LARS1: variants seen among roughly 807,000 people sequenced by gnomAD.
LARS1 encodes the protein leucine--tRNA ligase, cytoplasmic.
Under a neutral mutation model 162.8 loss-of-function variants are expected in LARS1, and 100 were observed. That is an observed-to-expected ratio of 0.61 (90% confidence interval 0.52 to 0.73). The LOEUF is 0.73. LARS1 is among the 30% of genes least tolerant of loss of function. The pLI is 0.00. For missense variants in LARS1, 1,258 were observed against 1,408.9 expected (o/e 0.89, Z 1.71); for synonymous variants, 457 against 462.8 (o/e 0.99, Z 0.16).
intron 4 of LARS1, among the ~76,000 whole-genome samples, chr5:146,168,896 AT>A (rs1754137764): frequency 6.6e-6 from 1 of 151,660 alleles, no homozygotes; most frequent in African/African-American, 2.4e-5. Context: ...CATTAATAAC[AT>A]TGTTTCTCAA....
At chr5:146,152,564 A>G (rs1753344309) in intron 13 of LARS1, among the ~76,000 whole-genome samples, 1 of 152,182 alleles carries the variant, frequency 6.6e-6, no homozygotes, top group Admixed American at 6.5e-5. Flanking sequence ...AAGGTGGCAC[A>G]GTTTCATGCC....
intron 10 of LARS1, among the ~76,000 whole-genome samples, chr5:146,155,607 A>C (rs1753490803): frequency 6.6e-6 from 1 of 152,226 alleles, no homozygotes; most frequent in African/African-American, 2.4e-5. Flanking sequence ...TCCTTTCCAC[A>C]TAATTCCCAC....
intron 14 of LARS1, among the ~76,000 whole-genome samples, chr5:146,151,423 T>C (rs781335253): frequency 5.9e-5 from 9 of 152,204 alleles, no homozygotes; most frequent in East Asian, 1.9e-4. Flanking sequence ...GAGAAAAGAA[T>C]GGTTCAGAAC....
At chr5:146,152,413 C>A (rs1198217753) in intron 13 of LARS1, among the ~76,000 whole-genome samples, 1 of 152,136 alleles carries the variant, frequency 6.6e-6, no homozygotes, top group African/African-American at 2.4e-5. Context: ...GAGGAACGGG[C>A]GAGCATCACC....
chr5:146,175,139 A>G (rs982954242), intron 2 of LARS1, among the ~76,000 whole-genome samples: 1 of 152,040 alleles, frequency 6.6e-6, no homozygotes, highest in African/African-American at 2.4e-5. Context: ...GGATCACCTG[A>G]GCCCAGGAGA....
At chr5:146,182,015 A>G (rs1429238607) in intron 1 of LARS1, 1 of 158,374 alleles carries the variant, frequency 6.3e-6, no homozygotes, top group Non-Finnish European at 1.4e-5. Context: ...ATCCTGGCTC[A>G]CAGCAGCCTC....
chr5:146,174,485 CATATATATATATATCCAT>C (rs1350603118), intron 2 of LARS1, among the ~76,000 whole-genome samples: 3,195 of 25,146 alleles, frequency 0.13, 148 homozygotes, highest in South Asian at 0.18. Context: ...TATATATATC[CATATATATATATATCCAT>C]ATATATATAT....
At chr5:146,139,039 TGAAA>T in intron 21 of LARS1, 1 of 151,280 alleles carries the variant, frequency 6.6e-6, no homozygotes, top group South Asian at 4.1e-5. Context: ...AGTGGATTTG[TGAAA>T]AAAAAAAAAA....
intron 10 of LARS1, among the ~76,000 whole-genome samples, chr5:146,156,484 A>C (rs946635717): frequency 6.6e-6 from 1 of 152,138 alleles, no homozygotes; most frequent in Non-Finnish European, 1.5e-5. Flanking sequence ...ACCCGAGGTC[A>C]GGAGTTCAAG....
chr5:146,142,291 T>G (rs1360291079), intron 20 of LARS1, among the ~76,000 whole-genome samples: 1 of 152,226 alleles, frequency 6.6e-6, no homozygotes, highest in Admixed American at 6.5e-5. Context: ...AAAATTATTT[T>G]ATTCCTCTAC....
At chr5:146,160,348 A>G in intron 7 of LARS1, 26 bp downstream of exon 7, 1 of 1,344,134 alleles carries the variant, frequency 7.4e-7, no homozygotes, top group East Asian at 2.5e-5. Context: ...TTTTTGCTTT[A>G]TTATGCTCAA....
At chr5:146,145,065 TTA>T (rs1432821861) in intron 15 of LARS1, among the ~76,000 whole-genome samples, 2 of 152,148 alleles carry the variant, frequency 1.3e-5, no homozygotes, top group East Asian at 1.9e-4. Context: ...TTTTGGGGTT[TTA>T]TGTTTTTTTT....
At position 146,115,784 on chromosome 5, in the gene LARS1, C is replaced by T. The variant is rs1328559505; in HGVS notation, c.3326-1473G>A. 3.3e-5 allele frequency among the ~76,000 whole-genome samples: 5 copies of T among 152,154 alleles called. No individual in the cohort carries two copies. In the East Asian group the frequency reaches 7.7e-4, roughly 24 times the overall value. On this transcript the variant is annotated intron_variant, in intron 31 of 31. Transcript: ENST00000394434. ...GCTGATTCTGGGTTTATATCTCATT[C>T]GAAGTGTAGCATGGCTAGTTATCCT...
intron 21 of LARS1, among the ~76,000 whole-genome samples, chr5:146,139,872 CAA>C (rs34203668): frequency 3.1e-3 from 256 of 83,344 alleles, no homozygotes; most frequent in African/African-American, 7.8e-3. Flanking sequence ...GACTCCGTCT[CAA>C]AAAAAAAAAA....
At chr5:146,171,866 C>T (rs1754295959) in intron 4 of LARS1, 44 bp downstream of exon 4, 1 of 1,436,956 alleles carries the variant, frequency 7.0e-7, no homozygotes, top group South Asian at 1.2e-5. Context: ...TTACTATTTG[C>T]TCCAACTAAA....
At position 146,133,388 on chromosome 5, in the gene LARS1, G is replaced by C. The variant is rs2962500; in HGVS notation, c.2213-307C>G. ...TGAGGCAGAGATAGAAAATGATAAA[G>C]TGGGGATAAAGACACACCTTTCATT... On this transcript the variant is annotated intron_variant, in intron 22 of 31. Transcript: ENST00000394434. 0.97 allele frequency among the ~76,000 whole-genome samples: 147,000 copies of C among 152,294 alleles called. 71,175 individuals carry two copies. Among genetic ancestry groups the C allele is most frequent in the East Asian group, 1 (5,190 of 5,190 alleles).
chr5:146,127,079 C>T (rs549221766), intron 27 of LARS1, among the ~76,000 whole-genome samples: 1 of 152,002 alleles, frequency 6.6e-6, no homozygotes, highest in Admixed American at 6.6e-5. Flanking sequence ...AATCTAAATT[C>T]ATTTCTTTCT....
Position 146,113,386 on chromosome 5 carries a change from G to A in LARS1, c.*720C>T, listed in dbSNP as rs181773158. 5.9e-5 allele frequency: 9 copies of A among 152,034 alleles called. No individual in the cohort carries two copies. The highest frequency in any genetic ancestry group is 2.2e-4 in the African/African-American group (9 of 41,358). 9.4% of individuals were successfully genotyped at this position (152,034 alleles called of 1,614,324 possible). ...ACCAGCATGACCTTTAAACACAATT[G>A]GACTTAAGACAAATTTAGTAAATGC... On this transcript the variant is annotated 3_prime_UTR_variant, in exon 32 of 32. Coordinates refer to ENST00000394434, the MANE Select transcript of LARS1 (RefSeq NM_020117.11).
chr5:146,168,063 G>C, intron 5 of LARS1, 65 bp downstream of exon 5: 1 of 1,332,678 alleles, frequency 7.5e-7, no homozygotes, highest in Non-Finnish European at 1.1e-6. Context: ...CTAGTACTGG[G>C]AATGCACATA....
Sources: gnomAD v4.1 joint callset for allele counts (sites outside exome capture counted in the v4.1 genomes callset) on GRCh38, gnomAD v4.1.1 for gene constraint, MANE v1.5 for transcripts, NCBI Gene and HGNC (gene_info 2026-07-23, HGNC 2026-07-21) for gene names.